Variants in PELI2 observed in about 807,000 individuals in gnomAD.
PELI2 encodes E3 ubiquitin-protein ligase pellino homolog 2.
Under a neutral mutation model 42.3 loss-of-function variants are expected in PELI2, and 23 were observed. The observed-to-expected ratio is 0.54, with a 90% CI of 0.39 to 0.77. The LOEUF (loss-of-function observed/expected upper bound fraction) is 0.77. PELI2 is among the 30% of genes least tolerant of loss of function. The pLI is 0.00. For synonymous variants in PELI2, 245 were observed against 212.2 expected (o/e 1.15, Z -1.34); for missense variants, 463 against 553.2 (o/e 0.84, Z 1.64).
At chr14:56,124,859 A>G (rs1211285501) in intron 1 of PELI2, among the ~76,000 whole-genome samples, 2 of 152,198 alleles carry the variant, frequency 1.3e-5, no homozygotes, top group African/African-American at 4.8e-5. Context: ...GAACAGAGAA[A>G]CACTCTTTAT....
intron 2 of PELI2, among the ~76,000 whole-genome samples, chr14:56,271,270 A>G (rs915476749): frequency 4.6e-5 from 7 of 152,344 alleles, no homozygotes; most frequent in South Asian, 2.1e-4. Flanking sequence ...GCTTTCTGCC[A>G]TAAACATAAA....
chr14:56,283,486 C>T (rs1027044788), intron 3 of PELI2, among the ~76,000 whole-genome samples: 2 of 152,174 alleles, frequency 1.3e-5, no homozygotes, highest in East Asian at 1.9e-4. Context: ...AGGCAGTTAA[C>T]GTCTTTGTAT....
chr14:56,201,160 C>A (rs1425721712), intron 2 of PELI2, among the ~76,000 whole-genome samples: 3 of 152,130 alleles, frequency 2.0e-5, no homozygotes, highest in Non-Finnish European at 4.4e-5. Context: ...TAGGGAGAAA[C>A]CTGTAAAATG....
chr14:56,157,933 A>G (rs1884625752), intron 1 of PELI2, among the ~76,000 whole-genome samples: 1 of 152,176 alleles, frequency 6.6e-6, no homozygotes, highest in Admixed American at 6.5e-5. Context: ...CAATAATCAG[A>G]TTTCTGTGTA....
At chr14:56,290,141 A>G in intron 4 of PELI2, 127 bp from the exon 5 acceptor site, 1 of 663,926 alleles carries the variant, frequency 1.5e-6, no homozygotes, top group Non-Finnish European at 2.5e-6. Flanking sequence ...TTAGCTTTAA[A>G]TAGAAAATGA....
At chr14:56,198,010 A>ACCCACC (rs1555346656) in intron 2 of PELI2, among the ~76,000 whole-genome samples, 7 of 114,714 alleles carry the variant, frequency 6.1e-5, no homozygotes, top group Admixed American at 1.7e-4. Context: ...ACACACACAC[A>ACCCACC]CACCCACCTC....
intron 2 of PELI2, among the ~76,000 whole-genome samples, chr14:56,199,583 C>G (rs151143217): frequency 2.6e-4 from 40 of 152,272 alleles, no homozygotes; most frequent in African/African-American, 9.1e-4. Context: ...GTGTGGTTAG[C>G]AATGAACTGA....
At chr14:56,292,731 C>A in intron 5 of PELI2, 1 of 966,938 alleles carries the variant, frequency 1.0e-6, no homozygotes, top group South Asian at 4.8e-5. Context: ...AATGATGGAA[C>A]CTCAGAACTG....
At chr14:56,224,345 C>A (rs774018260) in intron 2 of PELI2, among the ~76,000 whole-genome samples, 28 of 152,186 alleles carry the variant, frequency 1.8e-4, no homozygotes, top group Non-Finnish European at 3.8e-4. Flanking sequence ...AATCTCATAT[C>A]CCACCTGGTG....
At chr14:56,188,743 G>A (rs1018843936) in intron 2 of PELI2, among the ~76,000 whole-genome samples, 6 of 152,168 alleles carry the variant, frequency 3.9e-5, no homozygotes, top group African/African-American at 1.2e-4. Context: ...ATTATGAAAA[G>A]CAGAACTGAG....
rs146425928 is a variant in PELI2, at chr14:56,207,601, A to C, written c.207+29137A>C. On this transcript the variant is annotated intron_variant, in intron 2 of 5. Transcript: ENST00000267460. ...GACTTACATAGTGTGGATAAAGCAC[A>C]ATTCAGCTTTAACATCCCCTAGACC... Among the ~76,000 whole-genome samples the C allele has an allele frequency of 7.3e-3, 1,118 of 152,338 alleles. 8 individuals carry two copies. The highest frequency in any genetic ancestry group is 0.013 in the Non-Finnish European group (867 of 68,018).
intron 2 of PELI2, among the ~76,000 whole-genome samples, chr14:56,241,733 G>A (rs865879693): frequency 1.3e-4 from 20 of 152,236 alleles, no homozygotes; most frequent in Middle Eastern, 3.4e-3. Flanking sequence ...TGATTTAAAC[G>A]ATCGGGAATC....
In PELI2 at chr14:56,300,001, A is replaced by C. The variant is rs899491680; in HGVS notation, c.*2835A>C. 2.0e-5 allele frequency: 3 copies of C among 152,536 alleles called. No individual in the cohort carries two copies. Among genetic ancestry groups the C allele is most frequent in the African/African-American group, 7.2e-5 (3 of 41,400 alleles). The allele number at this position is 152,536 out of a possible 1,614,324, so 9.4% of individuals were successfully genotyped here. The stretch of plus-strand genomic sequence containing the variant: ...GTGCTGCCGGGTCATGCATGCTGCA[A>C]CTCTCAACATTTCCCTTATTTGGTT... On this transcript the variant is annotated 3_prime_UTR_variant, in exon 6 of 6. Transcript: ENST00000267460.
At chr14:56,121,492 A>T (rs1321417375) in intron 1 of PELI2, among the ~76,000 whole-genome samples, 1 of 152,212 alleles carries the variant, frequency 6.6e-6, no homozygotes, top group African/African-American at 2.4e-5. Context: ...CAGCCAGTTA[A>T]TGTATCATAG....
chr14:56,208,668 C>T (rs1035822016), intron 2 of PELI2, among the ~76,000 whole-genome samples: 2 of 152,160 alleles, frequency 1.3e-5, no homozygotes, highest in African/African-American at 4.8e-5. Flanking sequence ...AATCTCCACC[C>T]TTGAGTACTC....
chr14:56,256,782 C>G (rs545592339), intron 2 of PELI2, among the ~76,000 whole-genome samples: 1 of 152,218 alleles, frequency 6.6e-6, no homozygotes, highest in African/African-American at 2.4e-5. Flanking sequence ...CAGATTTCCT[C>G]TCCTCTACCC....
At chr14:56,134,220 G>A (rs1329076170) in intron 1 of PELI2, among the ~76,000 whole-genome samples, 1 of 152,184 alleles carries the variant, frequency 6.6e-6, no homozygotes, top group Non-Finnish European at 1.5e-5. Context: ...CATGAGTACA[G>A]AGATGTGGCC....
chr14:56,175,285 C>A (rs563463569), intron 1 of PELI2, among the ~76,000 whole-genome samples: 3 of 152,316 alleles, frequency 2.0e-5, no homozygotes, highest in Non-Finnish European at 2.9e-5. Flanking sequence ...CATGAGCCAA[C>A]GTGCCTGGCC....
intron 1 of PELI2, among the ~76,000 whole-genome samples, chr14:56,164,301 AT>A (rs1179024854): frequency 6.6e-6 from 1 of 152,086 alleles, no homozygotes; most frequent in East Asian, 1.9e-4. Context: ...TGAAGGATAA[AT>A]CCATTTTATC....
Sources: allele counts gnomAD v4.1 joint callset (sites outside exome capture counted in the v4.1 genomes callset), GRCh38; gene constraint gnomAD v4.1.1; transcripts MANE v1.5; gene names NCBI Gene and HGNC (gene_info 2026-07-23, HGNC 2026-07-21).